Variants in UBXN2B observed in about 807,000 individuals in gnomAD.
UBXN2B encodes UBX domain-containing protein 2B.
Under a neutral mutation model 37.5 loss-of-function variants are expected in UBXN2B, and 19 were observed. The observed-to-expected ratio is 0.51, with a 90% CI of 0.35 to 0.74. The LOEUF is 0.74. UBXN2B is among the 30% of genes least tolerant of loss of function. UBXN2B has a pLI of 0.01. For synonymous variants in UBXN2B, 145 were observed against 143.8 expected (o/e 1.01, Z -0.06); for missense variants, 370 against 393.2 (o/e 0.94, Z 0.50).
intron 5 of UBXN2B, among the ~76,000 whole-genome samples, chr8:58,436,889 T>A (rs956969798): frequency 6.6e-6 from 1 of 152,214 alleles, no homozygotes; most frequent in African/African-American, 2.4e-5. Flanking sequence ...ACCTTTTTGC[T>A]TTATAAATTA....
chr8:58,439,431 T>G (rs1206777358), intron 5 of UBXN2B, among the ~76,000 whole-genome samples: 3 of 152,188 alleles, frequency 2.0e-5, no homozygotes, highest in Non-Finnish European at 4.4e-5. Context: ...ATCCCTATGT[T>G]GAGAACCAGT....
At chr8:58,427,821 A>G (rs1808143383) in intron 2 of UBXN2B, among the ~76,000 whole-genome samples, 1 of 152,186 alleles carries the variant, frequency 6.6e-6, no homozygotes, top group African/African-American at 2.4e-5. Flanking sequence ...TTGGCAGTGG[A>G]TAAATATTTT....
intron 7 of UBXN2B, 112 bp downstream of exon 7, chr8:58,446,180 A>C: frequency 8.6e-7 from 1 of 1,169,430 alleles, no homozygotes; most frequent in Non-Finnish European, 1.1e-6. Context: ...CTTTAGGTTT[A>C]CTTTTGAAGT....
At chr8:58,432,039 C>G (rs1217374484) in intron 3 of UBXN2B, among the ~76,000 whole-genome samples, 1 of 152,116 alleles carries the variant, frequency 6.6e-6, no homozygotes, top group Non-Finnish European at 1.5e-5. Context: ...GAATGTCATT[C>G]ATATTTTTAT....
chr8:58,443,891 ATCTG>A (rs1808611309), intron 6 of UBXN2B, among the ~76,000 whole-genome samples: 1 of 152,216 alleles, frequency 6.6e-6, no homozygotes, highest in Non-Finnish European at 1.5e-5. Context: ...TTGTCCAGCT[ATCTG>A]TCTGTGTGGT....
At chr8:58,438,051 C>T (rs1358643136) in intron 5 of UBXN2B, among the ~76,000 whole-genome samples, 1 of 151,714 alleles carries the variant, frequency 6.6e-6, no homozygotes, top group African/African-American at 2.4e-5. Context: ...CCTCTGGACA[C>T]TGTTCCCAGC....
rs1224446252 is a variant in UBXN2B, at chr8:58,449,809, A to C, written c.*2258A>C. 6.6e-6 allele frequency: 1 copy of C among 152,204 alleles called. No homozygotes were observed. The highest frequency in any genetic ancestry group is 1.5e-5 in the Non-Finnish European group (1 of 68,032). The allele number at this position is 152,204 out of a possible 1,614,324, so 9.4% of individuals were successfully genotyped here. ...AGCACACGTTTGCAGCTGAGTATCA[A>C]CTTATCAGTTTGTTCTTCTTTTATA... On this transcript the variant is annotated 3_prime_UTR_variant, in exon 8 of 8. Transcript: ENST00000399598.
chr8:58,432,985 A>C (rs182301686), intron 3 of UBXN2B, among the ~76,000 whole-genome samples, 175 bp from the exon 4 acceptor site: 44 of 152,320 alleles, frequency 2.9e-4, no homozygotes, highest in African/African-American at 1.0e-3. Flanking sequence ...ATTATTCGTC[A>C]ATGGTTTGAA....
intron 6 of UBXN2B, among the ~76,000 whole-genome samples, chr8:58,445,037 C>A (rs760456672): frequency 7.9e-5 from 12 of 152,152 alleles, no homozygotes; most frequent in Non-Finnish European, 1.6e-4. Flanking sequence ...CCATCTAAAT[C>A]TCAGAGTTCA....
At chr8:58,425,083 A>G (rs757551842) in intron 2 of UBXN2B, 45 of 786,756 alleles carry the variant, frequency 5.7e-5, no homozygotes, top group African/African-American at 4.1e-4. Flanking sequence ...CCTGGGGTCA[A>G]TGGGCACTCC....
Position 58,411,400 on chromosome 8 carries a change from A to AG in UBXN2B, c.17dup (p.Glu8Ter). The AG allele has an allele frequency of 1.6e-6, 2 of 1,269,248 alleles. No individual in the cohort carries two copies. The highest frequency in any genetic ancestry group is 2.0e-6 in the Non-Finnish European group (2 of 1,002,988). 78.6% of individuals were successfully genotyped at this position (1,269,248 alleles called of 1,614,324 possible). On this transcript the variant is annotated frameshift_variant, in exon 1 of 8. Coordinates refer to ENST00000399598, the MANE Select transcript of UBXN2B (RefSeq NM_001077619.2). LOFTEE classifies it high-confidence loss of function. ...GCCAGCGGAAGATGGCGGAGGGCGG[A>AG]GGCCCTGAGCCCGGCGAGCAGGAGA...
At position 58,449,143 on chromosome 8, in the gene UBXN2B, C is replaced by T. The variant is rs1808749271; in HGVS notation, c.*1592C>T. ...GCAGGACTCATGATTAAATGAGGCC[C>T]ACCGGATATCCAATCTAGGCTTATC... On this transcript the variant is annotated 3_prime_UTR_variant, in exon 8 of 8. Transcript: ENST00000399598. 6.6e-6 allele frequency: 1 copy of T among 152,180 alleles called. No individual in the cohort carries two copies. Among genetic ancestry groups the T allele is most frequent in the South Asian group, 2.1e-4 (1 of 4,838 alleles). 9.4% of individuals were successfully genotyped at this position (152,180 alleles called of 1,614,324 possible).
rs1194007251 is a variant in UBXN2B at position 58,451,228 on chromosome 8, A to G, written c.*3677A>G. On this transcript the variant is annotated 3_prime_UTR_variant, in exon 8 of 8. Coordinates refer to ENST00000399598, the MANE Select transcript of UBXN2B (RefSeq NM_001077619.2). ...AACAACTGCCATTTTTGTATATAAT[A>G]GTCTTCCAAGATAGAGATTTACATT... The G allele has an allele frequency of 1.3e-5, 2 of 152,418 alleles. No individual in the cohort carries two copies. Among genetic ancestry groups the G allele is most frequent in the Non-Finnish European group, 1.5e-5 (1 of 68,052 alleles). The allele number at this position is 152,418 out of a possible 1,614,324, so 9.4% of individuals were successfully genotyped here. A position where few individuals can be genotyped will look rare whatever the true frequency, so the allele number is the denominator to read the frequency against.
intron 6 of UBXN2B, 45 bp from the exon 7 acceptor site, chr8:58,445,862 A>G (rs754692053): frequency 4.0e-6 from 6 of 1,508,824 alleles, no homozygotes; most frequent in African/African-American, 2.8e-5. Flanking sequence ...TCAGTTTGTC[A>G]TATATTTTAC....
At chr8:58,438,398 ACCT>A (rs978752976) in intron 5 of UBXN2B, among the ~76,000 whole-genome samples, 8 of 152,122 alleles carry the variant, frequency 5.3e-5, no homozygotes, top group Non-Finnish European at 7.4e-5. Context: ...ACAGGTCCTC[ACCT>A]CCAACCCATG....
chr8:58,423,007 T>A (rs1563458459), intron 2 of UBXN2B, among the ~76,000 whole-genome samples: 1 of 152,302 alleles, frequency 6.6e-6, no homozygotes, highest in East Asian at 1.9e-4. Context: ...CACCCTTTTT[T>A]AAAATCTGGT....
chr8:58,435,297 T>C (rs1006596014), intron 5 of UBXN2B, among the ~76,000 whole-genome samples: 8 of 151,964 alleles, frequency 5.3e-5, no homozygotes, highest in African/African-American at 1.9e-4. Context: ...CCAGGATGAG[T>C]GGCTGACATG....
intron 1 of UBXN2B, chr8:58,413,273 C>G (rs1807685088): frequency 1.3e-5 from 2 of 151,962 alleles, no homozygotes; most frequent in Non-Finnish European, 2.9e-5. Context: ...AGTACAGTAT[C>G]TAAGTATTGA....
intron 6 of UBXN2B, 108 bp downstream of exon 6, chr8:58,439,878 C>T: frequency 1.0e-6 from 1 of 998,584 alleles, no homozygotes; most frequent in Non-Finnish European, 1.4e-6. Context: ...ATGAACCATG[C>T]ACATTAGATA....
Sources: allele counts gnomAD v4.1 joint callset (sites outside exome capture counted in the v4.1 genomes callset), GRCh38; gene constraint gnomAD v4.1.1; transcripts MANE v1.5; gene names NCBI Gene and HGNC (gene_info 2026-07-23, HGNC 2026-07-21).